PPIE: variants seen among roughly 807,000 people sequenced by gnomAD.
PPIE encodes the protein peptidylprolyl isomerase E.
A neutral mutation model predicts 38.4 loss-of-function variants in PPIE; 20 were observed. The ratio of observed to expected loss-of-function variants is 0.52; its 90% CI spans 0.37 to 0.76. PPIE has a LOEUF of 0.76. PPIE is among the 30% of genes least tolerant of loss of function. The probability of loss-of-function intolerance (pLI) is 0.00; values close to 1 mark genes in which losing one functional copy is unlikely to be tolerated. For synonymous variants in PPIE, 142 were observed against 135.7 expected, an observed-to-expected ratio of 1.05 and a Z score of -0.32; for missense variants, 322 against 385.8, an observed-to-expected ratio of 0.83 and a Z score of 1.39.
chr1:39,759,267 C>A (rs1008532832), downstream of PPIE: 1 of 152,478 alleles, frequency 6.6e-6, no homozygotes, highest in Non-Finnish European at 1.5e-5. Flanking sequence ...GCCCAAGACA[C>A]AGGACAGGGC....
chr1:39,762,575 A>G (rs1319174119), intron 9 of PPIE: 24 of 1,550,282 alleles, frequency 1.5e-5, no homozygotes, highest in Non-Finnish European at 2.1e-5. Flanking sequence ...AAAGATGGCC[A>G]AGAGAGAAAC....
At chr1:39,747,007 T>G (rs1337410780) in intron 7 of PPIE, 1 of 152,236 alleles carries the variant, frequency 6.6e-6, no homozygotes, top group Non-Finnish European at 1.5e-5. Flanking sequence ...AATCTTTGTG[T>G]CTATGAATTG....
intron 3 of PPIE, chr1:39,741,612 C>G: frequency 3.1e-6 from 2 of 635,858 alleles, no homozygotes; most frequent in South Asian, 2.0e-5. Flanking sequence ...GCCAGGCCCT[C>G]CCATTCTTGC....
At chr1:39,742,009 A>G in intron 4 of PPIE, 88 bp downstream of exon 4, 2 of 1,445,648 alleles carry the variant, frequency 1.4e-6, no homozygotes, top group Non-Finnish European at 1.9e-6. Context: ...TGGACTTCCA[A>G]AGTTACAAGG....
At position 39,762,760 on chromosome 1, in the gene PPIE, C is replaced by T. The variant is rs547482564; in HGVS notation, c.838-929C>T. On this transcript the variant is annotated intron_variant, in intron 9 of 9. Coordinates refer to the PPIE transcript ENST00000356511. Reference sequence around the variant, plus strand: ...GTGCTAAGATCACACAGCCCCCACACAGTGTACACATCTGTTTCATGTGCT... The same window carrying T: ...GTGCTAAGATCACACAGCCCCCACATAGTGTACACATCTGTTTCATGTGCT... 8.1e-6 allele frequency: 11 copies of T among 1,353,996 alleles called. No individual in the cohort carries two copies. In the African/African-American group the frequency reaches 1.3e-4, roughly 16 times the overall value. 83.9% of individuals were successfully genotyped at this position (1,353,996 alleles called of 1,614,324 possible).
intron 9 of PPIE, chr1:39,762,550 G>T (rs1649134862): frequency 2.6e-6 from 4 of 1,550,310 alleles, no homozygotes. Flanking sequence ...AAAAGCCAGG[G>T]GATCCAGAAA....
intron 4 of PPIE, chr1:39,742,174 G>C: frequency 2.2e-6 from 1 of 463,982 alleles, no homozygotes; most frequent in Non-Finnish European, 3.9e-6. Context: ...CCCATGTTTA[G>C]GATAATTTGC....
chr1:39,745,718 A>T (rs1340083929), intron 7 of PPIE: 1 of 545,026 alleles, frequency 1.8e-6, no homozygotes, highest in Non-Finnish European at 3.1e-6. Flanking sequence ...GTTTTTTAAA[A>T]ATACAAGTAA....
At chr1:39,743,042 G>C in intron 4 of PPIE, 174 bp from the exon 5 acceptor site, 1 of 576,186 alleles carries the variant, frequency 1.7e-6, no homozygotes, top group Non-Finnish European at 3.1e-6. Context: ...AAAGAAAGGG[G>C]TGTGAGTTCC....
At chr1:39,761,028 C>G (rs540513795), downstream of PPIE, among the ~76,000 whole-genome samples, 274 of 152,168 alleles carry the variant, frequency 1.8e-3, 1 homozygote, top group Non-Finnish European at 3.1e-3. Context: ...GCCAGGCCTC[C>G]GCCCCTCTCC....
At chr1:39,763,803 G>A (rs548736828) in exon 10 of PPIE, 1 of 1,598,766 alleles carries the variant, frequency 6.3e-7, no homozygotes, top group Non-Finnish European at 8.5e-7. Flanking sequence ...TGCAGGGACA[G>A]AAGGGGCAAG....
At chr1:39,749,804 G>A (rs1647521231) in intron 8 of PPIE, among the ~76,000 whole-genome samples, 1 of 152,142 alleles carries the variant, frequency 6.6e-6, no homozygotes, top group Admixed American at 6.5e-5. Flanking sequence ...CAGTCCATTA[G>A]CATGAAAGCA....
At chr1:39,760,687 G>A, downstream of PPIE, 1 of 1,299,694 alleles carries the variant, frequency 7.7e-7, no homozygotes, top group East Asian at 2.5e-5. Flanking sequence ...CCACATGGGA[G>A]CAGCACAATA....
intron 8 of PPIE, 89 bp downstream of exon 8, chr1:39,749,177 T>G (rs1647437188): frequency 7.3e-7 from 1 of 1,378,030 alleles, no homozygotes; most frequent in Admixed American, 2.3e-5. Context: ...TAGTTCTGGC[T>G]GGCGGACACT....
At chr1:39,749,648 T>G (rs911106559) in intron 8 of PPIE, among the ~76,000 whole-genome samples, 2 of 152,078 alleles carry the variant, frequency 1.3e-5, no homozygotes, top group African/African-American at 4.8e-5. Context: ...TCGTGCATGC[T>G]CTTTCTTCCA....
Position 39,740,802 on chromosome 1 carries a change from A to T in PPIE, c.130+539A>T, listed in dbSNP as rs988504054. Among the ~76,000 whole-genome samples the T allele has an allele frequency of 2.6e-5, 4 of 152,324 alleles. No individual in the cohort carries two copies. The East Asian group carries it at 7.7e-4, about 29-fold the overall frequency. On this transcript the variant is annotated intron_variant, in intron 2 of 9. Transcript: ENST00000324379. ...AGTTTTATCATCAACCTTGCATATGATTGTTAGCAAAGTCTTTAAACTCTC... is the reference window on the plus strand; with the variant it reads ...AGTTTTATCATCAACCTTGCATATGTTTGTTAGCAAAGTCTTTAAACTCTC...
At chr1:39,745,553 C>G in intron 7 of PPIE, 55 bp downstream of exon 7, 1 of 1,611,114 alleles carries the variant, frequency 6.2e-7, no homozygotes, top group Non-Finnish European at 8.5e-7. Context: ...AGCAGTGAGC[C>G]TTTCCCAGGT....
chr1:39,756,411 C>T lies in PPIE; in HGVS notation c.*3056C>T. On this transcript the variant is annotated 3_prime_UTR_variant, in exon 10 of 10. Coordinates refer to ENST00000324379, the MANE Select transcript of PPIE (RefSeq NM_006112.4). The stretch of plus-strand genomic sequence containing the variant: ...CCCCATCTGAGTCCCCACATGCTGG[C>T]CCTGAAACGGTTACAAAGGCTGAAA... 1 of 985,310 alleles carries T rather than the reference C, an allele frequency of 1.0e-6. No individual in the cohort carries two copies. The highest frequency in any genetic ancestry group is 1.2e-6 in the Non-Finnish European group (1 of 829,940). The allele number at this position is 985,310 out of a possible 1,614,324, so 61.0% of individuals were successfully genotyped here.
chr1:39,740,480 T>C (rs1380739076), intron 2 of PPIE, among the ~76,000 whole-genome samples: 1 of 152,172 alleles, frequency 6.6e-6, no homozygotes, highest in Non-Finnish European at 1.5e-5. Flanking sequence ...TCTTCAGCTG[T>C]TGGGTTGAGA....
Sources: gnomAD v4.1 joint callset for allele counts (sites outside exome capture counted in the v4.1 genomes callset) on GRCh38, gnomAD v4.1.1 for gene constraint, MANE v1.5 for transcripts, NCBI Gene and HGNC (gene_info 2026-07-23, HGNC 2026-07-21) for gene names.